Variants in IL1RAPL1 observed in about 807,000 individuals in gnomAD.
IL1RAPL1 encodes the protein interleukin-1 receptor accessory protein-like 1.
A neutral mutation model predicts 48.4 loss-of-function variants in IL1RAPL1; 3 were observed. The ratio of observed to expected loss-of-function variants is 0.06; its 90% CI spans 0.03 to 0.16. IL1RAPL1 has a LOEUF of 0.16. Among genes scored for constraint, IL1RAPL1 ranks in the 10% least tolerant of loss-of-function variants. IL1RAPL1 has a pLI of 1.00. For missense variants in IL1RAPL1, 349 were observed against 530.6 expected, an observed-to-expected ratio of 0.66 and a Z score of 3.36; for synonymous variants, 185 against 187.7, an observed-to-expected ratio of 0.99 and a Z score of 0.12.
chrX:29,236,903 A>G (rs1267766024), intron 2 of IL1RAPL1, among the ~76,000 whole-genome samples: 1 of 109,082 alleles, frequency 9.2e-6, no homozygotes, highest in Non-Finnish European at 1.9e-5. Context: ...TTTCCATTTC[A>G]AGGTCACAAC....
In IL1RAPL1 at chrX:28,662,214, C is replaced by G. The variant is rs956801631; in HGVS notation, c.-25+74167C>G. 9.0e-5 allele frequency among the ~76,000 whole-genome samples: 10 copies of G among 110,981 alleles called. No individual in the cohort carries two copies. The East Asian group carries it at 2.9e-3, about 32-fold the overall frequency. Reference sequence around the variant, plus strand: ...ACTACGGTATTTAAAACTGTGGCAGCTGTATCTGACCAAAAGTTAAGCTTC... The same window carrying G: ...ACTACGGTATTTAAAACTGTGGCAGGTGTATCTGACCAAAAGTTAAGCTTC... On this transcript the variant is annotated intron_variant, in intron 1 of 10. Transcript: ENST00000378993.
intron 1 of IL1RAPL1, among the ~76,000 whole-genome samples, chrX:28,641,482 G>A (rs1363880020): frequency 9.0e-6 from 1 of 111,569 alleles, no homozygotes; most frequent in Non-Finnish European, 1.9e-5. Context: ...CATTTGGGTT[G>A]GTTCCAAGTC....
chrX:29,601,534 G>T lies in IL1RAPL1; in HGVS notation c.704-66896G>T, dbSNP rs763799586. Among the ~76,000 whole-genome samples, 5 of 112,034 alleles carry T rather than the reference G, an allele frequency of 4.5e-5. No individual in the cohort carries two copies. In the East Asian group the frequency reaches 1.1e-3, roughly 25 times the overall value. ...AATTCTATAGGGAAATTGTGCTGCTGTAGAAACCTGGGCTGTATGGGTTCC... is the reference window on the plus strand; with the variant it reads ...AATTCTATAGGGAAATTGTGCTGCTTTAGAAACCTGGGCTGTATGGGTTCC... On this transcript the variant is annotated intron_variant, in intron 5 of 10. Transcript: ENST00000378993.
chrX:28,657,599 C>T (rs895841821), intron 1 of IL1RAPL1, among the ~76,000 whole-genome samples: 9 of 112,456 alleles, frequency 8.0e-5, no homozygotes, highest in African/African-American at 2.6e-4. Context: ...AGACCTTTTC[C>T]CTTTAATAAA....
intron 2 of IL1RAPL1, among the ~76,000 whole-genome samples, chrX:29,235,590 A>G (rs980710142): frequency 9.0e-6 from 1 of 111,619 alleles, no homozygotes; most frequent in Non-Finnish European, 1.9e-5. Flanking sequence ...GTGTGAGGGT[A>G]TGTGTGTGTT....
intron 2 of IL1RAPL1, among the ~76,000 whole-genome samples, chrX:29,073,141 C>T (rs1332484846): frequency 8.9e-6 from 1 of 112,167 alleles, no homozygotes; most frequent in Non-Finnish European, 1.9e-5. Context: ...ATATCTGCCT[C>T]CAGTCCTTTT....
intron 3 of IL1RAPL1, among the ~76,000 whole-genome samples, chrX:29,337,982 T>G (rs1222918194): frequency 8.9e-6 from 1 of 111,871 alleles, no homozygotes; most frequent in East Asian, 2.8e-4. Flanking sequence ...GCCGACAAAT[T>G]TATTCTTATT....
At chrX:29,312,996 A>G (rs764632256) in intron 3 of IL1RAPL1, among the ~76,000 whole-genome samples, 11 of 111,376 alleles carry the variant, frequency 9.9e-5, no homozygotes, top group Admixed American at 2.9e-4. Context: ...CATTAAACCT[A>G]TTTTTCTTCC....
chrX:29,950,618 T>C (rs1313505319), intron 9 of IL1RAPL1, among the ~76,000 whole-genome samples: 2 of 110,945 alleles, frequency 1.8e-5, no homozygotes, highest in African/African-American at 3.3e-5. Context: ...TGGTCATTCA[T>C]GCTCAAGTCT....
intron 3 of IL1RAPL1, among the ~76,000 whole-genome samples, chrX:29,347,921 T>C (rs1602186929): frequency 9.0e-6 from 1 of 111,572 alleles, no homozygotes; most frequent in Non-Finnish European, 1.9e-5. Context: ...GAGGACACAC[T>C]GGACAAAGGC....
chrX:29,230,859 C>T (rs17329358), intron 2 of IL1RAPL1, among the ~76,000 whole-genome samples: 6,018 of 111,162 alleles, frequency 0.054, 187 homozygotes, highest in Non-Finnish European at 0.082. Flanking sequence ...GGCCCTGTAG[C>T]GTATATGTGA....
At chrX:28,917,053 G>A (rs186014463) in intron 2 of IL1RAPL1, among the ~76,000 whole-genome samples, 42 of 110,907 alleles carry the variant, frequency 3.8e-4, no homozygotes, top group African/African-American at 1.0e-3. Flanking sequence ...TTTTCCTTGC[G>A]TCCTTTCTGA....
At chrX:28,679,971 T>G (rs1004061511) in intron 1 of IL1RAPL1, among the ~76,000 whole-genome samples, 3 of 111,919 alleles carry the variant, frequency 2.7e-5, no homozygotes, top group Non-Finnish European at 3.8e-5. Flanking sequence ...ATTTTAAGAA[T>G]TTTTACATTT....
At position 28,654,996 on chromosome X, in the gene IL1RAPL1, G is replaced by A. The variant is rs1221820008; in HGVS notation, c.-25+66949G>A. Among the ~76,000 whole-genome samples the A allele has an allele frequency of 2.7e-5, 3 of 111,330 alleles. No individual in the cohort carries two copies. In the Admixed American group the frequency reaches 2.9e-4, roughly 11 times the overall value. On this transcript the variant is annotated intron_variant, in intron 1 of 10. Coordinates refer to ENST00000378993, the MANE Select transcript of IL1RAPL1 (RefSeq NM_014271.4). ...ACTCTATCTTCTGTGACCTGGGAAA[G>A]GGGTGCCGTTGGGGGTGGGAGGAGT...
At chrX:28,664,129 C>T (rs936448182) in intron 1 of IL1RAPL1, among the ~76,000 whole-genome samples, 2 of 111,510 alleles carry the variant, frequency 1.8e-5, no homozygotes, top group African/African-American at 3.3e-5. Flanking sequence ...TTTTTTTCTA[C>T]GCAAACAAAA....
At chrX:29,322,762 G>A (rs1932812995) in intron 3 of IL1RAPL1, among the ~76,000 whole-genome samples, 1 of 110,744 alleles carries the variant, frequency 9.0e-6, no homozygotes, top group Admixed American at 9.6e-5. Flanking sequence ...CAAAGACTCA[G>A]GTTTTACATC....
intron 5 of IL1RAPL1, among the ~76,000 whole-genome samples, chrX:29,530,362 A>T (rs933102426): frequency 1.8e-5 from 2 of 111,203 alleles, no homozygotes; most frequent in African/African-American, 6.6e-5. Context: ...ATGTGGGGAG[A>T]TGAGAAAGTG....
intron 1 of IL1RAPL1, among the ~76,000 whole-genome samples, chrX:28,617,046 AG>A (rs1934228596): frequency 8.9e-6 from 1 of 112,620 alleles, no homozygotes; most frequent in Non-Finnish European, 1.9e-5. Flanking sequence ...GAGATGTTTC[AG>A]AGAACTTTAA....
chrX:28,911,856 C>T (rs773128874), intron 2 of IL1RAPL1, among the ~76,000 whole-genome samples: 3 of 107,933 alleles, frequency 2.8e-5, no homozygotes, highest in Admixed American at 1.0e-4. Context: ...GTTTAGGCTA[C>T]TAGGGAGCCA....
Sources: gnomAD v4.1 joint callset for allele counts (sites outside exome capture counted in the v4.1 genomes callset) on GRCh38, gnomAD v4.1.1 for gene constraint, MANE v1.5 for transcripts, NCBI Gene and HGNC (gene_info 2026-07-23, HGNC 2026-07-21) for gene names.